The following AK5 variants were observed in gnomAD, a reference collection of about 807,000 sequenced individuals.
AK5 encodes adenylate kinase isoenzyme 5.
Under a neutral mutation model 69.5 loss-of-function variants are expected in AK5, and 27 were observed. That is an observed-to-expected ratio of 0.39 (90% CI 0.29 to 0.54). AK5 has a LOEUF of 0.54. Ranked by LOEUF, AK5 falls within the 20% of genes least tolerant of loss-of-function variation. The probability of loss-of-function intolerance (pLI) is 0.71; values close to 1 mark genes in which losing one functional copy is unlikely to be tolerated. For missense variants in AK5, 531 were observed against 700.4 expected (o/e 0.76, Z 2.73); for synonymous variants, 260 against 244.4 (o/e 1.06, Z -0.60).
chr1:77,440,088 G>GT (rs985546705), intron 8 of AK5, among the ~76,000 whole-genome samples: 13 of 151,996 alleles, frequency 8.6e-5, no homozygotes, highest in Non-Finnish European at 1.6e-4. Context: ...ATACTTTCAT[G>GT]TTTTTTCGTA....
chr1:77,500,488 A>G (rs1184535965), intron 10 of AK5, among the ~76,000 whole-genome samples: 1 of 152,110 alleles, frequency 6.6e-6, no homozygotes, highest in East Asian at 1.9e-4. Context: ...TCCATTAAAG[A>G]CAAAAGAAGG....
intron 12 of AK5, among the ~76,000 whole-genome samples, chr1:77,533,799 G>A (rs759200758): frequency 1.3e-5 from 2 of 152,076 alleles, no homozygotes; most frequent in Non-Finnish European, 2.9e-5. Context: ...CCCACAATTG[G>A]AAAAATCGCC....
chr1:77,524,313 A>T (rs1463982701), intron 12 of AK5, among the ~76,000 whole-genome samples: 2 of 152,208 alleles, frequency 1.3e-5, no homozygotes, highest in Non-Finnish European at 2.9e-5. Flanking sequence ...TGGAATTGCT[A>T]GATCATATGG....
chr1:77,305,155 A>T (rs575395976), intron 5 of AK5, among the ~76,000 whole-genome samples: 14 of 152,236 alleles, frequency 9.2e-5, no homozygotes, highest in Admixed American at 9.2e-4. Flanking sequence ...TGTCTATTCA[A>T]ATCTTTTGCC....
chr1:77,498,036 T>C (rs1183869954), intron 10 of AK5, among the ~76,000 whole-genome samples: 1 of 152,072 alleles, frequency 6.6e-6, no homozygotes, highest in Non-Finnish European at 1.5e-5. Flanking sequence ...CCCAGTGAAC[T>C]TAGGGAGGGT....
At chr1:77,500,423 G>A (rs1235659287) in intron 10 of AK5, among the ~76,000 whole-genome samples, 3 of 130,716 alleles carry the variant, frequency 2.3e-5, no homozygotes, top group Non-Finnish European at 3.5e-5. Context: ...GGTCCCAAAT[G>A]TCACCATCCT....
At chr1:77,388,528 C>T (rs1648176411) in intron 6 of AK5, among the ~76,000 whole-genome samples, 1 of 152,040 alleles carries the variant, frequency 6.6e-6, no homozygotes, top group African/African-American at 2.4e-5. Context: ...CTGAGAAACC[C>T]AAAGCCATGT....
intron 10 of AK5, among the ~76,000 whole-genome samples, chr1:77,491,540 C>T (rs1470777660): frequency 6.6e-6 from 1 of 152,036 alleles, no homozygotes; most frequent in South Asian, 2.1e-4. Flanking sequence ...CTCCTGACCT[C>T]GTGATCCACC....
chr1:77,496,546 A>G (rs1008184571), intron 10 of AK5, among the ~76,000 whole-genome samples: 1 of 152,178 alleles, frequency 6.6e-6, no homozygotes, highest in Non-Finnish European at 1.5e-5. Flanking sequence ...AAAGAAAAGC[A>G]GATCCAAGAG....
At chr1:77,405,070 G>A (rs1197801693) in intron 6 of AK5, among the ~76,000 whole-genome samples, 30 of 152,158 alleles carry the variant, frequency 2.0e-4, no homozygotes. Flanking sequence ...GAGAGGGAGA[G>A]ATCATATGCA....
chr1:77,287,132 T>C lies in AK5; in HGVS notation c.247+5T>C. On this transcript the variant is annotated splice_donor_5th_base_variant and intron_variant, in intron 2 of 13. Transcript: ENST00000354567. Reference sequence around the variant, plus strand: ...GGAGATCCTTTCTAAGAAATGGTAATGTATATGGAGAATAATAGACAGTTT... The same window carrying C: ...GGAGATCCTTTCTAAGAAATGGTAACGTATATGGAGAATAATAGACAGTTT... 6.5e-7 allele frequency: 1 copy of C among 1,531,764 alleles called. No homozygotes were observed. Among genetic ancestry groups the C allele is most frequent in the Non-Finnish European group, 8.8e-7 (1 of 1,136,202 alleles). The allele number at this position is 1,531,764 out of a possible 1,614,324, so 94.9% of individuals were successfully genotyped here. A position where few individuals can be genotyped will look rare whatever the true frequency, so the allele number is the denominator to read the frequency against.
At chr1:77,290,714 T>C (rs764308249) in intron 2 of AK5, among the ~76,000 whole-genome samples, 2 of 152,202 alleles carry the variant, frequency 1.3e-5, no homozygotes, top group Non-Finnish European at 2.9e-5. Flanking sequence ...AAACCAGCAC[T>C]TACTTCTTTT....
chr1:77,334,455 TG>T (rs1274250614), intron 5 of AK5, among the ~76,000 whole-genome samples: 2 of 152,218 alleles, frequency 1.3e-5, no homozygotes, highest in Non-Finnish European at 2.9e-5. Context: ...TGTTGGTTTT[TG>T]TATTGCTTCT....
intron 6 of AK5, among the ~76,000 whole-genome samples, chr1:77,386,638 T>C (rs114273909): frequency 0.017 from 2,596 of 152,262 alleles, 23 homozygotes; most frequent in Non-Finnish European, 0.029. Flanking sequence ...CTGAATGTCT[T>C]GTATGTGTTT....
chr1:77,451,452 C>T (rs143727419), intron 8 of AK5, among the ~76,000 whole-genome samples: 113 of 152,202 alleles, frequency 7.4e-4, no homozygotes, highest in African/African-American at 2.4e-3. Context: ...TATTGCAGAA[C>T]GCCTGTTTTT....
At chr1:77,451,017 CTT>C (rs1331980791) in intron 8 of AK5, among the ~76,000 whole-genome samples, 5 of 151,802 alleles carry the variant, frequency 3.3e-5, no homozygotes, top group African/African-American at 1.2e-4. Flanking sequence ...CTCTAAAAAA[CTT>C]TTTTTAATTA....
intron 6 of AK5, among the ~76,000 whole-genome samples, chr1:77,363,668 G>A (rs1413793319): frequency 2.6e-5 from 4 of 151,944 alleles, no homozygotes; most frequent in Non-Finnish European, 5.9e-5. Flanking sequence ...GTTGTTAGAG[G>A]CCCCATGCAC....
intron 6 of AK5, among the ~76,000 whole-genome samples, chr1:77,369,677 A>G (rs182400529): frequency 2.0e-5 from 3 of 152,330 alleles, no homozygotes; most frequent in Admixed American, 1.3e-4. Flanking sequence ...GTATAGAAAA[A>G]TGGTAAATGT....
chr1:77,498,504 C>T (rs1187117797), intron 10 of AK5, among the ~76,000 whole-genome samples: 3 of 152,198 alleles, frequency 2.0e-5, no homozygotes, highest in Non-Finnish European at 2.9e-5. Context: ...GTTCGAATGT[C>T]GGCTCCTACA....
Sources: gnomAD v4.1 joint callset for allele counts (sites outside exome capture counted in the v4.1 genomes callset) on GRCh38, gnomAD v4.1.1 for gene constraint, MANE v1.5 for transcripts, NCBI Gene and HGNC (gene_info 2026-07-23, HGNC 2026-07-21) for gene names.